Variants in ZNF827 observed in about 807,000 individuals in gnomAD.
ZNF827 encodes zinc finger protein 827.
Under a neutral mutation model 102.4 loss-of-function variants are expected in ZNF827, and 13 were observed. The observed-to-expected ratio is 0.13, with a 90% CI of 0.08 to 0.20. ZNF827 has a LOEUF of 0.20. ZNF827 is among the 10% of genes least tolerant of loss of function. The probability of loss-of-function intolerance (pLI) is 1.00; values close to 1 mark genes in which losing one functional copy is unlikely to be tolerated. For synonymous variants in ZNF827, 523 were observed against 536.2 expected (o/e 0.98, Z 0.34); for missense variants, 1,103 against 1,344.4 (o/e 0.82, Z 2.81).
At chr4:145,804,290 G>A (rs1311669520) in intron 8 of ZNF827, among the ~76,000 whole-genome samples, 1 of 152,154 alleles carries the variant, frequency 6.6e-6, no homozygotes, top group Non-Finnish European at 1.5e-5. Context: ...TCTGGCTCAG[G>A]CATTAAGTAA....
At position 145,761,783 on chromosome 4, in the gene ZNF827, G is replaced by A. The variant is rs1168865236; in HGVS notation, c.*18-185C>T. On this transcript the variant is annotated intron_variant, in intron 14 of 14. Coordinates refer to ENST00000508784, the MANE Select transcript of ZNF827 (RefSeq NM_001306215.2). The surrounding 1 kb of genome is among the most constrained non-coding windows in gnomAD (Gnocchi z 6.8). ...CCCTTTTTGGCTCTCCCTGCTGACA[G>A]AGCAGTCCCCGCTGACAAGCAGCTC... is the stretch of plus-strand genomic sequence containing the variant. 6.6e-5 allele frequency among the ~76,000 whole-genome samples: 10 copies of A among 152,304 alleles called. No individual in the cohort carries two copies. In the East Asian group the frequency reaches 1.9e-3, roughly 29 times the overall value.
intron 4 of ZNF827, among the ~76,000 whole-genome samples, chr4:145,879,824 G>A (rs890244514): frequency 1.3e-5 from 2 of 152,068 alleles, no homozygotes; most frequent in Non-Finnish European, 2.9e-5. Context: ...ATTCCACAAC[G>A]CACAAGAAGG....
rs151005596 is a variant in ZNF827, at chr4:145,765,041, G to A, written c.3177C>T (p.Pro1059=). Reference sequence around the variant, plus strand: ...ATTTCTTATGCTCCAGCAGCTGTTCGGGGGTCTTCATGAACTTGTGGCACA... The same window carrying A: ...ATTTCTTATGCTCCAGCAGCTGTTCAGGGGTCTTCATGAACTTGTGGCACA... ...CDVCHKFMKT[P]EQLLEHKKCH... Residue 1059 remains proline, a synonymous_variant, in exon 13 of 15, where the codon CCC becomes CCT. Transcript: ENST00000508784. The surrounding 1 kb of genome is among the most constrained non-coding windows in gnomAD (Gnocchi z 4.7). 55 of 1,614,158 alleles carry A rather than the reference G, an allele frequency of 3.4e-5. No individual in the cohort carries two copies. The highest frequency in any genetic ancestry group is 3.1e-4 in the African/African-American group (23 of 75,026).
At chr4:145,815,453 G>A (rs1560955123) in intron 8 of ZNF827, among the ~76,000 whole-genome samples, 2 of 152,184 alleles carry the variant, frequency 1.3e-5, no homozygotes, top group Non-Finnish European at 2.9e-5. Context: ...AGACAGCCAT[G>A]GTGTGATGTG....
At chr4:145,889,790 AAC>A in intron 3 of ZNF827, among the ~76,000 whole-genome samples, 1 of 152,180 alleles carries the variant, frequency 6.6e-6, no homozygotes, top group Non-Finnish European at 1.5e-5. Context: ...CAGCGTGGCT[AAC>A]ATGGTGAAAC....
chr4:145,784,712 A>G (rs142243760), intron 8 of ZNF827, among the ~76,000 whole-genome samples: 1 of 152,348 alleles, frequency 6.6e-6, no homozygotes, highest in Non-Finnish European at 1.5e-5. Context: ...AGCTTGGAAT[A>G]TGGGTACTGT....
chr4:145,842,943 T>G lies in ZNF827; in HGVS notation c.2279+3013A>C, dbSNP rs563182803. Among the ~76,000 whole-genome samples, 33 of 152,332 alleles carry G rather than the reference T, an allele frequency of 2.2e-4. 1 individual carries two copies. The South Asian group carries it at 6.6e-3, about 31-fold the overall frequency. On this transcript the variant is annotated intron_variant, in intron 7 of 14. Transcript: ENST00000508784. Reference sequence around the variant, plus strand: ...CTGAAGATACAGAAATTCAGAGGTTTGATGTAAATCTTTTTGAAATGTATT... The same window carrying G: ...CTGAAGATACAGAAATTCAGAGGTTGGATGTAAATCTTTTTGAAATGTATT...
At chr4:145,820,616 C>T (rs1560960273) in intron 8 of ZNF827, among the ~76,000 whole-genome samples, 2 of 152,164 alleles carry the variant, frequency 1.3e-5, no homozygotes, top group Non-Finnish European at 2.9e-5. Flanking sequence ...CCTAATTCAA[C>T]GTGCTTATTA....
intron 11 of ZNF827, among the ~76,000 whole-genome samples, chr4:145,771,610 G>C (rs1051049773): frequency 6.6e-5 from 10 of 152,230 alleles, no homozygotes; most frequent in African/African-American, 2.4e-4. Context: ...GTGGGAGAAA[G>C]AAGGTGAGGA....
intron 5 of ZNF827, among the ~76,000 whole-genome samples, chr4:145,850,405 T>C (rs2126661521): frequency 1.3e-5 from 2 of 152,272 alleles, no homozygotes; most frequent in African/African-American, 4.8e-5. Context: ...AACGGAGACA[T>C]TTGCACCTTG....
chr4:145,826,781 T>C (rs866223145), intron 7 of ZNF827, among the ~76,000 whole-genome samples: 2 of 152,136 alleles, frequency 1.3e-5, no homozygotes, highest in South Asian at 2.1e-4. Context: ...AGTTTTGCTC[T>C]TGTTGCCCAG....
intron 1 of ZNF827, among the ~76,000 whole-genome samples, chr4:145,918,628 G>A (rs917913189): frequency 4.6e-5 from 7 of 152,056 alleles, no homozygotes; most frequent in African/African-American, 1.4e-4. Flanking sequence ...TATAAAATAA[G>A]GGGTTAGGAT....
chr4:145,807,701 A>G (rs1741598918), intron 8 of ZNF827, among the ~76,000 whole-genome samples: 2 of 150,936 alleles, frequency 1.3e-5, no homozygotes, highest in Admixed American at 1.3e-4. Flanking sequence ...TGAACTCCTG[A>G]CCTCGTGATT....
At chr4:145,822,006 C>T (rs971798335) in intron 8 of ZNF827, among the ~76,000 whole-genome samples, 3 of 152,148 alleles carry the variant, frequency 2.0e-5, no homozygotes. Context: ...TAGAAAGTCA[C>T]AATCCATCAA....
intron 5 of ZNF827, among the ~76,000 whole-genome samples, chr4:145,850,049 GC>G (rs1746376809): frequency 6.7e-6 from 1 of 148,546 alleles, no homozygotes; most frequent in Admixed American, 6.7e-5. Flanking sequence ...CACTCTTGTT[GC>G]CCAGGCTGGA....
chr4:145,830,252 C>A (rs1214234433), intron 7 of ZNF827, among the ~76,000 whole-genome samples: 2 of 150,038 alleles, frequency 1.3e-5, no homozygotes, highest in Non-Finnish European at 1.5e-5. Flanking sequence ...AGATTACAGG[C>A]CTTGCCAAAA....
intron 1 of ZNF827, among the ~76,000 whole-genome samples, chr4:145,914,070 C>CACACAT (rs1200585691): frequency 1.3e-5 from 2 of 151,674 alleles, no homozygotes; most frequent in Non-Finnish European, 2.9e-5. Context: ...TAGACACACA[C>CACACAT]ACACACACAC....
intron 5 of ZNF827, among the ~76,000 whole-genome samples, chr4:145,858,079 A>G (rs535424320): frequency 1.8e-4 from 28 of 152,132 alleles, no homozygotes; most frequent in African/African-American, 6.7e-4. Context: ...GTTGTGAATA[A>G]TAGGCCTTTA....
chr4:145,849,663 G>A, intron 5 of ZNF827, 102 bp from the exon 6 acceptor site: 2 of 1,550,836 alleles, frequency 1.3e-6, no homozygotes, highest in East Asian at 2.2e-5. Context: ...ATTGTGGCAG[G>A]GAAGAGAAAA....
Sources: gnomAD v4.1 joint callset for allele counts (sites outside exome capture counted in the v4.1 genomes callset) on GRCh38, gnomAD v4.1.1 for gene constraint, Gnocchi (gnomAD v3.1) non-coding constraint, MANE v1.5 for transcripts, NCBI Gene and HGNC (gene_info 2026-07-23, HGNC 2026-07-21) for gene names.